Variants in IMMP2L observed in about 807,000 individuals in gnomAD.
IMMP2L encodes the protein inner mitochondrial membrane peptidase subunit 2.
A neutral mutation model predicts 19.3 loss-of-function variants in IMMP2L; 18 were observed. The observed-to-expected ratio is 0.93, with a 90% CI of 0.64 to 1.38. The LOEUF (loss-of-function observed/expected upper bound fraction) is 1.38, where lower values mean the gene tolerates loss of function less well. IMMP2L is among the 40% of genes most tolerant of loss of function. The probability of loss-of-function intolerance (pLI) is 0.00; values close to 1 mark genes in which losing one functional copy is unlikely to be tolerated. For missense variants in IMMP2L, 233 were observed against 218.2 expected (o/e 1.07, Z -0.43); for synonymous variants, 76 against 73.0 (o/e 1.04, Z -0.21).
intron 1 of IMMP2L, among the ~76,000 whole-genome samples, chr7:111,540,799 T>G (rs1006336446): frequency 1.3e-5 from 2 of 152,168 alleles, no homozygotes; most frequent in Non-Finnish European, 2.9e-5. Context: ...TAGATATGGT[T>G]TATATTACCA....
intron 3 of IMMP2L, among the ~76,000 whole-genome samples, chr7:111,307,558 A>G (rs952845370): frequency 1.3e-5 from 2 of 151,878 alleles, no homozygotes; most frequent in East Asian, 3.9e-4. Flanking sequence ...TATATAACAT[A>G]TAAACTTTGC....
intron 3 of IMMP2L, among the ~76,000 whole-genome samples, chr7:110,995,458 G>A (rs1049293613): frequency 6.6e-5 from 10 of 152,244 alleles, no homozygotes; most frequent in African/African-American, 2.4e-4. Context: ...GGCTATCGAA[G>A]TGATGAGAGA....
At chr7:110,898,913 T>C (rs1811589643) in intron 4 of IMMP2L, among the ~76,000 whole-genome samples, 1 of 152,024 alleles carries the variant, frequency 6.6e-6, no homozygotes, top group South Asian at 2.1e-4. Context: ...CCTGCCTTTG[T>C]GCTCCTATTT....
chr7:111,487,105 T>A (rs536285261), intron 3 of IMMP2L, 133 bp downstream of exon 3: 33 of 451,500 alleles, frequency 7.3e-5, no homozygotes, highest in African/African-American at 5.9e-4. Context: ...ATTGATTTTT[T>A]AAAAATGCAT....
intron 1 of IMMP2L, among the ~76,000 whole-genome samples, chr7:111,523,606 A>G (rs1432827960): frequency 5.3e-5 from 8 of 152,128 alleles, no homozygotes. Flanking sequence ...TTATCAACAT[A>G]TATTGCACAT....
At chr7:111,455,069 T>C (rs1041270163) in intron 3 of IMMP2L, among the ~76,000 whole-genome samples, 8 of 151,918 alleles carry the variant, frequency 5.3e-5, no homozygotes, top group African/African-American at 1.7e-4. Flanking sequence ...TCAGTCAGAA[T>C]ATGAGCCTCA....
chr7:111,451,085 A>G (rs1839111549), intron 3 of IMMP2L, among the ~76,000 whole-genome samples: 1 of 147,566 alleles, frequency 6.8e-6, no homozygotes, highest in Non-Finnish European at 1.5e-5. Context: ...GATGTGGAGA[A>G]ATAGGAACAC....
At chr7:110,834,396 T>C (rs1040999797) in intron 5 of IMMP2L, among the ~76,000 whole-genome samples, 1 of 151,808 alleles carries the variant, frequency 6.6e-6, no homozygotes, top group Admixed American at 6.6e-5. Context: ...ACTTTATATA[T>C]ATATATAGTG....
chr7:111,164,635 C>G (rs1271661644), intron 3 of IMMP2L, among the ~76,000 whole-genome samples: 1 of 152,002 alleles, frequency 6.6e-6, no homozygotes, highest in Non-Finnish European at 1.5e-5. Flanking sequence ...GCCCAGAAAA[C>G]TGGATCCAGT....
chr7:111,249,516 G>A (rs1010709953), intron 3 of IMMP2L, among the ~76,000 whole-genome samples: 23 of 151,978 alleles, frequency 1.5e-4, no homozygotes, highest in Admixed American at 8.5e-4. Context: ...GACCGGAGCT[G>A]TTCCTATTCG....
intron 1 of IMMP2L, among the ~76,000 whole-genome samples, chr7:111,533,653 G>A (rs1847609970): frequency 6.6e-6 from 1 of 151,936 alleles, no homozygotes; most frequent in Non-Finnish European, 1.5e-5. Context: ...CAATTTGGAA[G>A]GAGAATAAAA....
At chr7:111,360,304 G>C (rs1371455122) in intron 3 of IMMP2L, among the ~76,000 whole-genome samples, 1 of 152,032 alleles carries the variant, frequency 6.6e-6, no homozygotes, top group Non-Finnish European at 1.5e-5. Context: ...TTTTAAAGCA[G>C]TGTCCCCATA....
chr7:111,416,664 A>G (rs1834982875), intron 3 of IMMP2L, among the ~76,000 whole-genome samples: 1 of 151,766 alleles, frequency 6.6e-6, no homozygotes, highest in Admixed American at 6.6e-5. Flanking sequence ...TAATAATCAT[A>G]TTTTTAAAAT....
intron 3 of IMMP2L, among the ~76,000 whole-genome samples, chr7:111,305,339 T>A (rs1016686602): frequency 6.6e-6 from 1 of 151,960 alleles, no homozygotes; most frequent in Non-Finnish European, 1.5e-5. Flanking sequence ...GTGCTAAATA[T>A]TTTTTTTGAG....
chr7:110,820,769 C>T (rs945494570), intron 5 of IMMP2L, among the ~76,000 whole-genome samples: 1 of 152,036 alleles, frequency 6.6e-6, no homozygotes, highest in Non-Finnish European at 1.5e-5. Context: ...AGACTCTACC[C>T]TAATAAGGGG....
intron 3 of IMMP2L, among the ~76,000 whole-genome samples, chr7:111,224,878 G>A (rs957859163): frequency 5.9e-5 from 9 of 152,070 alleles, no homozygotes; most frequent in African/African-American, 1.9e-4. Context: ...AGCAAAGTCT[G>A]TTTTATTTAA....
chr7:111,393,091 A>G (rs1412246282), intron 3 of IMMP2L, among the ~76,000 whole-genome samples: 1 of 152,018 alleles, frequency 6.6e-6, no homozygotes, highest in Admixed American at 6.6e-5. Flanking sequence ...ACATGAGATT[A>G]AAAGTCCCAA....
At chr7:110,714,155 G>A (rs1795088129) in intron 5 of IMMP2L, among the ~76,000 whole-genome samples, 1 of 152,140 alleles carries the variant, frequency 6.6e-6, no homozygotes, top group Non-Finnish European at 1.5e-5. Flanking sequence ...GGATTTTATT[G>A]AAGGCTTTTT....
At chr7:110,714,634 T>C (rs2130727677) in intron 5 of IMMP2L, among the ~76,000 whole-genome samples, 1 of 152,298 alleles carries the variant, frequency 6.6e-6, no homozygotes, top group Non-Finnish European at 1.5e-5. Flanking sequence ...TCTTGCTCTG[T>C]CACCCAGGCT....
Sources: allele counts gnomAD v4.1 joint callset (sites outside exome capture counted in the v4.1 genomes callset), GRCh38; gene constraint gnomAD v4.1.1; transcripts MANE v1.5; gene names NCBI Gene and HGNC (gene_info 2026-07-23, HGNC 2026-07-21).